Variants in FIG4 observed in about 807,000 individuals in gnomAD.
FIG4 encodes the protein polyphosphoinositide phosphatase.
A neutral mutation model predicts 118.6 loss-of-function variants in FIG4; 112 were observed. The ratio of observed to expected loss-of-function variants is 0.94; its 90% confidence interval spans 0.81 to 1.11. The LOEUF is 1.11. Ranked by LOEUF, FIG4 falls within the 50% of genes least tolerant of loss-of-function variation. FIG4 has a pLI of 0.00. For synonymous variants in FIG4, 369 were observed against 381.2 expected (o/e 0.97, Z 0.37); for missense variants, 969 against 1,111.7 (o/e 0.87, Z 1.83).
intron 5 of FIG4, among the ~76,000 whole-genome samples, chr6:109,733,254 CA>C (rs1554300824): frequency 6.6e-6 from 1 of 151,968 alleles, no homozygotes; most frequent in Non-Finnish European, 1.5e-5. Flanking sequence ...TATAATAGCC[CA>C]AACAAGCAAA....
At chr6:109,692,341 T>A (rs1330867841) in intron 1 of FIG4, among the ~76,000 whole-genome samples, 1 of 152,238 alleles carries the variant, frequency 6.6e-6, no homozygotes, top group Non-Finnish European at 1.5e-5. Context: ...GATATTTTCA[T>A]AATGCTCTTC....
intron 15 of FIG4, 104 bp downstream of exon 15, chr6:109,766,999 AAAG>A: frequency 1.0e-6 from 1 of 969,800 alleles, no homozygotes; most frequent in Non-Finnish European, 1.6e-6. Flanking sequence ...TAATATTTTA[AAAG>A]TTTAAATAAA....
chr6:109,787,823 A>G (rs1402555772), intron 18 of FIG4, among the ~76,000 whole-genome samples: 2 of 152,216 alleles, frequency 1.3e-5, no homozygotes, highest in African/African-American at 4.8e-5. Context: ...GCCTCTGGTC[A>G]CATCATATTT....
chr6:109,750,371 C>T (rs1168275719), intron 10 of FIG4, among the ~76,000 whole-genome samples: 2 of 152,192 alleles, frequency 1.3e-5, no homozygotes, highest in Non-Finnish European at 2.9e-5. Context: ...TGTGGTGGCT[C>T]ATGCCTATAA....
chr6:109,729,869 A>T (rs1775938244), intron 4 of FIG4, among the ~76,000 whole-genome samples: 1 of 152,084 alleles, frequency 6.6e-6, no homozygotes. Flanking sequence ...AGCAGTAACG[A>T]ACTAGAAAAT....
intron 16 of FIG4, among the ~76,000 whole-genome samples, chr6:109,781,331 CCA>C (rs1777795276): frequency 1.3e-5 from 2 of 152,102 alleles, no homozygotes; most frequent in Admixed American, 6.5e-5. Flanking sequence ...TTAAATAGCC[CCA>C]GTTTCTTCAG....
intron 3 of FIG4, among the ~76,000 whole-genome samples, chr6:109,720,001 T>C (rs1775558520): frequency 6.6e-6 from 1 of 152,238 alleles, no homozygotes; most frequent in East Asian, 1.9e-4. Context: ...GGTGTCTCCA[T>C]GTTTCTTTTA....
intron 1 of FIG4, among the ~76,000 whole-genome samples, chr6:109,693,251 C>G (rs1774603033): frequency 6.6e-6 from 1 of 152,200 alleles, no homozygotes; most frequent in Non-Finnish European, 1.5e-5. Context: ...CATGTGCCTT[C>G]ATATGCCTTA....
intron 21 of FIG4, among the ~76,000 whole-genome samples, chr6:109,795,260 A>G (rs1778253702): frequency 1.3e-5 from 2 of 151,656 alleles, no homozygotes; most frequent in Non-Finnish European, 1.5e-5. Flanking sequence ...GACACTTGCC[A>G]GTTTTTAGAA....
At chr6:109,696,962 T>C (rs1774741259) in intron 1 of FIG4, among the ~76,000 whole-genome samples, 1 of 152,176 alleles carries the variant, frequency 6.6e-6, no homozygotes, top group Non-Finnish European at 1.5e-5. Flanking sequence ...GATTTGATCA[T>C]TACACAGTGT....
intron 7 of FIG4, among the ~76,000 whole-genome samples, chr6:109,739,823 A>T (rs917838156): frequency 2.6e-5 from 4 of 152,152 alleles, no homozygotes; most frequent in African/African-American, 9.7e-5. Context: ...GACCATTATT[A>T]TGCTTTCTTG....
chr6:109,785,736 C>T (rs767915173), intron 17 of FIG4: 3 of 469,518 alleles, frequency 6.4e-6, no homozygotes, highest in South Asian at 4.7e-5. Flanking sequence ...AGTCATGCTT[C>T]AGCATCCCAA....
chr6:109,737,192 C>T (rs996075660), intron 6 of FIG4, among the ~76,000 whole-genome samples: 1 of 152,026 alleles, frequency 6.6e-6, no homozygotes, highest in Non-Finnish European at 1.5e-5. Context: ...ATTCTCTTAT[C>T]GCACAGGGGT....
chr6:109,774,107 T>C (rs1777547647), intron 15 of FIG4, among the ~76,000 whole-genome samples: 1 of 152,158 alleles, frequency 6.6e-6, no homozygotes, highest in South Asian at 2.1e-4. Flanking sequence ...CCTCCATGCC[T>C]GGCCATTTTT....
intron 4 of FIG4, among the ~76,000 whole-genome samples, chr6:109,728,433 G>T (rs555848972): frequency 2.6e-5 from 4 of 152,088 alleles, no homozygotes; most frequent in Non-Finnish European, 5.9e-5. Context: ...AGGTTGAATT[G>T]ATTTAATATT....
chr6:109,772,021 C>T (rs1292215835), intron 15 of FIG4, among the ~76,000 whole-genome samples: 1 of 152,180 alleles, frequency 6.6e-6, no homozygotes, highest in East Asian at 1.9e-4. Context: ...GGGTTGTCTC[C>T]ACTGTGTTCT....
chr6:109,723,558 A>C (rs997674850), intron 3 of FIG4, among the ~76,000 whole-genome samples: 19 of 152,266 alleles, frequency 1.2e-4, no homozygotes, highest in African/African-American at 4.6e-4. Context: ...CAACCTATTC[A>C]CTTTCCAGGG....
chr6:109,745,535 T>G (rs1776466669), intron 10 of FIG4, among the ~76,000 whole-genome samples: 1 of 152,210 alleles, frequency 6.6e-6, no homozygotes, highest in South Asian at 2.1e-4. Context: ...AGATTCTGGA[T>G]AGTAGCCCTT....
chr6:109,797,715 A>G (rs1268551713), intron 22 of FIG4, among the ~76,000 whole-genome samples: 2 of 151,974 alleles, frequency 1.3e-5, no homozygotes, highest in African/African-American at 2.4e-5. Flanking sequence ...GGCCAACATC[A>G]TGAAACCCGG....
Sources: gnomAD v4.1 joint callset for allele counts (sites outside exome capture counted in the v4.1 genomes callset) on GRCh38, gnomAD v4.1.1 for gene constraint, MANE v1.5 for transcripts, NCBI Gene and HGNC (gene_info 2026-07-23, HGNC 2026-07-21) for gene names.